Variants in TCN2 observed in about 807,000 individuals in gnomAD.
TCN2 encodes the protein transcobalamin 2, also known as transcobalamin-2.
In TCN2, 34 loss-of-function variants were observed where a neutral mutation model predicts 48.6. The ratio of observed to expected loss-of-function variants is 0.70; its 90% CI spans 0.53 to 0.93. The LOEUF (loss-of-function observed/expected upper bound fraction) is 0.93. TCN2 is among the 40% of genes least tolerant of loss of function. The pLI, the probability that TCN2 is intolerant of heterozygous loss-of-function variation, is 0.00. For synonymous variants in TCN2, 283 were observed against 212.5 expected (o/e 1.33, Z -2.89); for missense variants, 652 against 526.1 (o/e 1.24, Z -2.34).
At chr22:30,612,799 G>A (rs1032202789) in intron 2 of TCN2, 74 bp from the exon 3 acceptor site, 14 of 1,583,854 alleles carry the variant, frequency 8.8e-6, no homozygotes, top group Middle Eastern at 2.3e-4. Context: ...TTTGTGATGC[G>A]GGTGGGGTGG....
intron 1 of TCN2, among the ~76,000 whole-genome samples, chr22:30,608,950 C>T (rs1201141323): frequency 6.6e-6 from 1 of 152,138 alleles, no homozygotes; most frequent in Non-Finnish European, 1.5e-5. Flanking sequence ...TGCACTGAGT[C>T]ACTTAATTGC....
chr22:30,610,894 C>T lies in TCN2; in HGVS notation c.88C>T (p.Leu30=). The change falls in exon 2 of 9, where the codon CTG becomes TTG. Residue 30 remains leucine (L), a synonymous_variant. Coordinates refer to ENST00000215838, the MANE Select transcript of TCN2 (RefSeq NM_000355.4). The part of the protein sequence containing the change: ...MCEIPEMDSH[L]VEKLGQHLLP... ...AGAAATACCAGAGATGGACAGCCAT[C>T]TGGTAGAGAAGTTGGGCCAGCACCT... 1 of 1,614,202 alleles carries T rather than the reference C, an allele frequency of 6.2e-7. No homozygotes were observed.
chr22:30,614,578 C>A, intron 4 of TCN2, 77 bp downstream of exon 4: 1 of 1,584,900 alleles, frequency 6.3e-7, no homozygotes, highest in East Asian at 2.3e-5. Context: ...CCTCCATACC[C>A]TGGCCCCCAC....
intron 8 of TCN2, among the ~76,000 whole-genome samples, chr22:30,624,467 C>T (rs1238030713): frequency 6.6e-6 from 1 of 152,074 alleles, no homozygotes; most frequent in Non-Finnish European, 1.5e-5. Context: ...GGGCACTTAC[C>T]ATGTGTCAAG....
chr22:30,609,262 C>G (rs1157637471), intron 1 of TCN2, among the ~76,000 whole-genome samples: 1 of 151,920 alleles, frequency 6.6e-6, no homozygotes, highest in African/African-American at 2.4e-5. Context: ...CTTGGCCTCC[C>G]AAACTGCTGG....
chr22:30,621,380 G>T (rs1365913396), intron 7 of TCN2, among the ~76,000 whole-genome samples: 3 of 152,200 alleles, frequency 2.0e-5, no homozygotes, highest in Admixed American at 2.0e-4. Flanking sequence ...CTTTGTAGAA[G>T]ATGCGTTTGT....
At chr22:30,618,206 G>A (rs184825551) in intron 7 of TCN2, among the ~76,000 whole-genome samples, 12 of 150,234 alleles carry the variant, frequency 8.0e-5, no homozygotes, top group Non-Finnish European at 1.5e-4. Flanking sequence ...CACCTGAGGC[G>A]CTCAAAATAT....
At chr22:30,608,316 C>T (rs1329325771) in intron 1 of TCN2, among the ~76,000 whole-genome samples, 1 of 152,198 alleles carries the variant, frequency 6.6e-6, no homozygotes, top group African/African-American at 2.4e-5. Context: ...GGCTGAGTGA[C>T]CCACTCAGGG....
chr22:30,627,186 A>C lies in TCN2; in HGVS notation c.*665A>C. ...ATGTGGGCATTGGGGGAGTGATGGG[A>C]ATGCCAGCAGTGATGACATTGACTA... On this transcript the variant is annotated 3_prime_UTR_variant, in exon 9 of 9. Coordinates refer to ENST00000215838, the MANE Select transcript of TCN2 (RefSeq NM_000355.4). The C allele has an allele frequency of 6.1e-6, 1 of 164,226 alleles. No individual in the cohort carries two copies. Among genetic ancestry groups the C allele is most frequent in the Non-Finnish European group, 1.3e-5 (1 of 74,238 alleles). The allele number at this position is 164,226 out of a possible 1,614,324, so 10.2% of individuals were successfully genotyped here. A position where few individuals can be genotyped will look rare whatever the true frequency, so the allele number is the denominator to read the frequency against.
At chr22:30,622,834 G>A in intron 7 of TCN2, 134 bp from the exon 8 acceptor site, 1 of 863,986 alleles carries the variant, frequency 1.2e-6, no homozygotes, top group Non-Finnish European at 1.9e-6. Context: ...CTGTGGCCAG[G>A]TGGCCTGGGA....
At chr22:30,614,585 C>CCACACT in intron 4 of TCN2, 84 bp downstream of exon 4, 1 of 1,572,374 alleles carries the variant, frequency 6.4e-7, no homozygotes, top group Non-Finnish European at 8.7e-7. Context: ...ACCCTGGCCC[C>CCACACT]CACACTCACC....
chr22:30,614,229 T>C, intron 3 of TCN2, 120 bp from the exon 4 acceptor site: 1 of 1,332,952 alleles, frequency 7.5e-7, no homozygotes, highest in Non-Finnish European at 1.0e-6. Flanking sequence ...AATGAAGGAA[T>C]GAAGGATCCC....
Position 30,607,269 on chromosome 22 carries a change from A to G in TCN2, c.-63A>G. Reference sequence around the variant, plus strand: ...GACCAGCTGTGGTCAGGAGAGCCTCAGCAGGGCCAGCCCCAGGAGTCTTTC... The same window carrying G: ...GACCAGCTGTGGTCAGGAGAGCCTCGGCAGGGCCAGCCCCAGGAGTCTTTC... On this transcript the variant is annotated 5_prime_UTR_variant, in exon 1 of 9. Coordinates refer to ENST00000215838, the MANE Select transcript of TCN2 (RefSeq NM_000355.4). The G allele has an allele frequency of 6.3e-7, 1 of 1,592,786 alleles. No individual in the cohort carries two copies.
chr22:30,620,646 A>G (rs2087684488), intron 7 of TCN2, among the ~76,000 whole-genome samples: 1 of 152,258 alleles, frequency 6.6e-6, no homozygotes, highest in Non-Finnish European at 1.5e-5. Flanking sequence ...ACCAGCTGGT[A>G]TTCATGTTTG....
chr22:30,626,325 G>C, intron 8 of TCN2, 135 bp from the exon 9 acceptor site: 9 of 904,618 alleles, frequency 9.9e-6, no homozygotes, highest in Non-Finnish European at 1.6e-5. Flanking sequence ...CTTTAGGGAG[G>C]TTCCAGCTTC....
intron 7 of TCN2, among the ~76,000 whole-genome samples, chr22:30,619,756 G>A (rs191913777): frequency 5.1e-4 from 78 of 152,282 alleles, no homozygotes; most frequent in African/African-American, 1.9e-3. Context: ...TCTCAGACCG[G>A]AGAAATGCAA....
chr22:30,624,703 C>T (rs951761409), intron 8 of TCN2, among the ~76,000 whole-genome samples: 8 of 152,138 alleles, frequency 5.3e-5, no homozygotes, highest in African/African-American at 1.2e-4. Context: ...ATCTCCTTCC[C>T]CCTCTGCCCT....
intron 1 of TCN2, 29 bp downstream of exon 1, chr22:30,607,424 CT>C (rs1348868986): frequency 3.1e-6 from 5 of 1,613,476 alleles, no homozygotes; most frequent in African/African-American, 1.3e-5. Flanking sequence ...TCCTGTGCCT[CT>C]TTCCTCCTGG....
chr22:30,614,615 A>T (rs2145543279), intron 4 of TCN2, 114 bp downstream of exon 4: 1 of 1,469,032 alleles, frequency 6.8e-7, no homozygotes, highest in Non-Finnish European at 9.3e-7. Context: ...GGCTCCTCCG[A>T]ATCAAGTCCT....
Sources: allele counts gnomAD v4.1 joint callset (sites outside exome capture counted in the v4.1 genomes callset), GRCh38; gene constraint gnomAD v4.1.1; transcripts MANE v1.5; gene names NCBI Gene and HGNC (gene_info 2026-07-23, HGNC 2026-07-21).